Variants in CTNNA3 observed in about 807,000 individuals in gnomAD.
CTNNA3 encodes catenin alpha-3.
A neutral mutation model predicts 95.7 loss-of-function variants in CTNNA3; 76 were observed. The observed-to-expected ratio is 0.79, with a 90% confidence interval of 0.66 to 0.96. CTNNA3 has a LOEUF of 0.96. Among genes scored for constraint, CTNNA3 ranks in the 40% least tolerant of loss-of-function variants. The pLI, the probability that CTNNA3 is intolerant of heterozygous loss-of-function variation, is 0.00. For missense variants in CTNNA3, 1,191 were observed against 1,089.8 expected, an observed-to-expected ratio of 1.09 and a Z score of -1.31; for synonymous variants, 431 against 374.4, an observed-to-expected ratio of 1.15 and a Z score of -1.74.
At chr10:67,327,525 T>C (rs1206276412) in intron 5 of CTNNA3, among the ~76,000 whole-genome samples, 3 of 152,226 alleles carry the variant, frequency 2.0e-5, no homozygotes, top group African/African-American at 7.2e-5. Flanking sequence ...CTGGACTGCA[T>C]GCTGTAACTC....
intron 11 of CTNNA3, among the ~76,000 whole-genome samples, chr10:66,488,033 C>T (rs890123540): frequency 6.6e-6 from 1 of 152,118 alleles, no homozygotes; most frequent in African/African-American, 2.4e-5. Flanking sequence ...GCTCATCCTC[C>T]CATAGCTCTG....
At chr10:66,084,006 A>G (rs1176820974) in intron 14 of CTNNA3, among the ~76,000 whole-genome samples, 2 of 151,758 alleles carry the variant, frequency 1.3e-5, no homozygotes, top group African/African-American at 4.8e-5. Flanking sequence ...GTGGTGGTGC[A>G]TGCCTGTAAT....
At chr10:66,933,157 C>T (rs1221342102) in intron 7 of CTNNA3, among the ~76,000 whole-genome samples, 2 of 152,114 alleles carry the variant, frequency 1.3e-5, no homozygotes, top group African/African-American at 4.8e-5. Context: ...TGGCATGAGC[C>T]AAAAAGAAAT....
At chr10:67,631,691 T>A (rs998660569) in intron 2 of CTNNA3, among the ~76,000 whole-genome samples, 1 of 152,204 alleles carries the variant, frequency 6.6e-6, no homozygotes, top group African/African-American at 2.4e-5. Context: ...TATTTCAAAT[T>A]AAACACTCTT....
chr10:67,058,889 T>C (rs1318687063), intron 7 of CTNNA3, among the ~76,000 whole-genome samples: 1 of 152,170 alleles, frequency 6.6e-6, no homozygotes, highest in African/African-American at 2.4e-5. Flanking sequence ...TTAGTATGAC[T>C]ACACCTGCCT....
At chr10:65,938,890 C>CTT (rs35971028) in intron 17 of CTNNA3, among the ~76,000 whole-genome samples, 17 of 145,244 alleles carry the variant, frequency 1.2e-4, no homozygotes, top group South Asian at 2.2e-4. Context: ...AAGAGTTTTC[C>CTT]TTTTTTTTTT....
chr10:66,959,015 C>A (rs968369815), intron 7 of CTNNA3, among the ~76,000 whole-genome samples: 1 of 151,984 alleles, frequency 6.6e-6, no homozygotes, highest in African/African-American at 2.4e-5. Context: ...TTCTACAGAC[C>A]CTTCTCTCTT....
intron 2 of CTNNA3, among the ~76,000 whole-genome samples, chr10:67,642,913 C>A (rs146643782): frequency 6.6e-6 from 1 of 150,384 alleles, no homozygotes; most frequent in Non-Finnish European, 1.5e-5. Flanking sequence ...GACAGCGTGG[C>A]GATTTCTCAA....
intron 11 of CTNNA3, among the ~76,000 whole-genome samples, chr10:66,503,290 T>C (rs1484435730): frequency 6.6e-6 from 1 of 152,130 alleles, no homozygotes; most frequent in Admixed American, 6.6e-5. Context: ...AACAGTCCTA[T>C]CACCTAGTAG....
chr10:67,110,630 T>C (rs1245717093), intron 7 of CTNNA3, among the ~76,000 whole-genome samples: 1 of 152,176 alleles, frequency 6.6e-6, no homozygotes, highest in East Asian at 1.9e-4. Context: ...TTTGCAGGTT[T>C]GTACCCCACC....
intron 11 of CTNNA3, among the ~76,000 whole-genome samples, chr10:66,462,832 G>T (rs992152804): frequency 1.3e-5 from 2 of 152,036 alleles, no homozygotes; most frequent in African/African-American, 4.8e-5. Context: ...AACTGTCTCA[G>T]TTCACAGTAT....
At chr10:66,780,788 T>A (rs868749134) in intron 7 of CTNNA3, among the ~76,000 whole-genome samples, 1 of 152,204 alleles carries the variant, frequency 6.6e-6, no homozygotes, top group Non-Finnish European at 1.5e-5. Context: ...AATAGAGAAA[T>A]AGAAGACTGG....
chr10:66,388,530 T>G (rs1241725269), intron 11 of CTNNA3, among the ~76,000 whole-genome samples: 1 of 152,154 alleles, frequency 6.6e-6, no homozygotes, highest in Non-Finnish European at 1.5e-5. Flanking sequence ...TTTTTTTGTT[T>G]GGCTTTGCAG....
Position 66,906,022 on chromosome 10 carries a change from T to C in CTNNA3, c.1048-130498A>G, listed in dbSNP as rs534770638. On this transcript the variant is annotated intron_variant, in intron 7 of 17. Coordinates refer to ENST00000433211, the MANE Select transcript of CTNNA3 (RefSeq NM_013266.4). ...AATAAAAATATTTTAATAAAAACTTTAGAATTCCAGCTAATAAATGAAAAA... is the reference window on the plus strand; with the variant it reads ...AATAAAAATATTTTAATAAAAACTTCAGAATTCCAGCTAATAAATGAAAAA... Among the ~76,000 whole-genome samples the C allele has an allele frequency of 3.3e-5, 5 of 152,298 alleles. No homozygotes were observed. The South Asian group carries it at 1.0e-3, about 32-fold the overall frequency.
At chr10:65,995,289 T>A (rs1336716621) in intron 15 of CTNNA3, among the ~76,000 whole-genome samples, 1 of 152,226 alleles carries the variant, frequency 6.6e-6, no homozygotes, top group African/African-American at 2.4e-5. Context: ...CTTCTTTATT[T>A]TTTTGGATTG....
chr10:67,621,458 G>C (rs1843840683), intron 2 of CTNNA3, among the ~76,000 whole-genome samples: 1 of 151,976 alleles, frequency 6.6e-6, no homozygotes, highest in African/African-American at 2.4e-5. Context: ...ATGAGAAAAT[G>C]GTCAGTCTAG....
At chr10:66,691,689 A>G (rs987895730) in intron 9 of CTNNA3, among the ~76,000 whole-genome samples, 3 of 152,126 alleles carry the variant, frequency 2.0e-5, no homozygotes, top group Non-Finnish European at 4.4e-5. Context: ...GACCCCTGAG[A>G]AGCCTAAGAG....
At chr10:67,097,934 T>C (rs1679293355) in intron 7 of CTNNA3, 3 of 701,266 alleles carry the variant, frequency 4.3e-6, no homozygotes, top group Admixed American at 2.8e-5. Flanking sequence ...AAATCCAAGA[T>C]TGATTCATGA....
At chr10:66,124,070 G>A (rs2082709931) in intron 13 of CTNNA3, among the ~76,000 whole-genome samples, 1 of 152,174 alleles carries the variant, frequency 6.6e-6, no homozygotes, top group South Asian at 2.1e-4. Context: ...CTCAGAAAAT[G>A]GGATTTTCTT....
Sources: gnomAD v4.1 joint callset for allele counts (sites outside exome capture counted in the v4.1 genomes callset) on GRCh38, gnomAD v4.1.1 for gene constraint, MANE v1.5 for transcripts, NCBI Gene and HGNC (gene_info 2026-07-23, HGNC 2026-07-21) for gene names.